CAMK1D: variants seen among roughly 807,000 people sequenced by gnomAD.
CAMK1D encodes calcium/calmodulin dependent protein kinase ID, also known as calcium/calmodulin-dependent protein kinase type 1D.
CAMK1D carries 9 observed loss-of-function variants against 47.7 expected under a neutral mutation model. That is an observed-to-expected ratio of 0.19 (90% confidence interval 0.11 to 0.33). The LOEUF is 0.33. CAMK1D is among the 10% of genes least tolerant of loss of function. CAMK1D has a pLI of 1.00. For synonymous variants in CAMK1D, 184 were observed against 184.9 expected, an observed-to-expected ratio of 0.99 and a Z score of 0.04; for missense variants, 291 against 488.7, an observed-to-expected ratio of 0.60 and a Z score of 3.81.
intron 1 of CAMK1D, among the ~76,000 whole-genome samples, chr10:12,496,319 C>T (rs140711029): frequency 2.0e-5 from 3 of 152,146 alleles, no homozygotes; most frequent in South Asian, 2.1e-4. Context: ...CACATAACTG[C>T]GGTTAAACCA....
At chr10:12,741,096 A>C (rs1313560186) in intron 3 of CAMK1D, among the ~76,000 whole-genome samples, 1 of 152,230 alleles carries the variant, frequency 6.6e-6, no homozygotes, top group Non-Finnish European at 1.5e-5. Flanking sequence ...TAAATCATTT[A>C]ATCACCAAAA....
At chr10:12,481,642 C>T (rs780193626) in intron 1 of CAMK1D, among the ~76,000 whole-genome samples, 19 of 152,168 alleles carry the variant, frequency 1.2e-4, no homozygotes, top group South Asian at 4.1e-4. Flanking sequence ...CCTGAGCAGC[C>T]GCGATTACAG....
intron 2 of CAMK1D, among the ~76,000 whole-genome samples, chr10:12,562,097 G>C (rs72771711): frequency 0.092 from 13,928 of 152,196 alleles, 739 homozygotes; most frequent in South Asian, 0.15. Context: ...AAGGAAACAG[G>C]GTTCTTTAGC....
chr10:12,551,198 T>C (rs1836566507), intron 1 of CAMK1D, among the ~76,000 whole-genome samples: 4 of 152,220 alleles, frequency 2.6e-5, no homozygotes, highest in Admixed American at 2.6e-4. Context: ...TTGTTCACGT[T>C]ACCGCCTGAG....
Position 12,788,757 on chromosome 10 carries a change from C to T in CAMK1D, c.566-2401C>T, listed in dbSNP as rs185419465. Reference sequence around the variant, plus strand: ...TCTTGAGAAATACGCTCTTAGCAGTCGGGGCGGACGAGTCAGCTATCGCCC... The same window carrying T: ...TCTTGAGAAATACGCTCTTAGCAGTTGGGGCGGACGAGTCAGCTATCGCCC... On this transcript the variant is annotated intron_variant, in intron 5 of 10. Coordinates refer to ENST00000619168, the MANE Select transcript of CAMK1D (RefSeq NM_153498.4). 5.3e-5 allele frequency among the ~76,000 whole-genome samples: 8 copies of T among 152,326 alleles called. No individual in the cohort carries two copies. In the East Asian group the frequency reaches 5.8e-4, roughly 11 times the overall value.
chr10:12,821,313 G>C (rs893795315), intron 8 of CAMK1D, among the ~76,000 whole-genome samples: 1 of 152,212 alleles, frequency 6.6e-6, no homozygotes, highest in Non-Finnish European at 1.5e-5. Flanking sequence ...GCTAGTATTT[G>C]GCCAAATATC....
At chr10:12,406,647 G>A (rs1157594688) in intron 1 of CAMK1D, among the ~76,000 whole-genome samples, 1 of 149,710 alleles carries the variant, frequency 6.7e-6, no homozygotes, top group Non-Finnish European at 1.5e-5. Flanking sequence ...TGGTTGAGCC[G>A]GGGAGGCGGA....
At chr10:12,755,694 C>T (rs1002277928) in intron 3 of CAMK1D, among the ~76,000 whole-genome samples, 1 of 152,100 alleles carries the variant, frequency 6.6e-6, no homozygotes. Context: ...GATCGCCATT[C>T]TAACTGGTGT....
chr10:12,556,796 T>C lies in CAMK1D; in HGVS notation c.224+3440T>C, dbSNP rs570488266. On this transcript the variant is annotated intron_variant, in intron 2 of 10. Transcript: ENST00000619168. ...CATGATCAAGATTAATTTTTGAAGATTGTTGCGGCAGAACTGAGAAGAATG... is the reference window on the plus strand; with the variant it reads ...CATGATCAAGATTAATTTTTGAAGACTGTTGCGGCAGAACTGAGAAGAATG... Among the ~76,000 whole-genome samples, 3 of 152,272 alleles carry C rather than the reference T, an allele frequency of 2.0e-5. No homozygotes were observed. In the East Asian group the frequency reaches 5.8e-4, roughly 29 times the overall value.
At chr10:12,610,621 C>G (rs987839296) in intron 2 of CAMK1D, among the ~76,000 whole-genome samples, 1 of 152,192 alleles carries the variant, frequency 6.6e-6, no homozygotes, top group Non-Finnish European at 1.5e-5. Flanking sequence ...ATGTCCTCAC[C>G]AACTGAGACA....
intron 1 of CAMK1D, among the ~76,000 whole-genome samples, chr10:12,457,606 C>A (rs970841021): frequency 6.0e-5 from 9 of 150,848 alleles, no homozygotes; most frequent in African/African-American, 2.2e-4. Flanking sequence ...CATGGTGAAA[C>A]CTTATCTCTA....
At chr10:12,362,020 C>G (rs1837679961) in intron 1 of CAMK1D, among the ~76,000 whole-genome samples, 1 of 152,142 alleles carries the variant, frequency 6.6e-6, no homozygotes, top group African/African-American at 2.4e-5. Context: ...CTTCCCCCTT[C>G]TTTCTTGCCT....
chr10:12,365,113 C>T (rs979926462), intron 1 of CAMK1D, among the ~76,000 whole-genome samples: 2 of 151,770 alleles, frequency 1.3e-5, no homozygotes, highest in African/African-American at 4.8e-5. Context: ...TACACCACCA[C>T]GCCAGGCTAA....
chr10:12,532,461 A>G (rs1448926251), intron 1 of CAMK1D, among the ~76,000 whole-genome samples: 5 of 151,956 alleles, frequency 3.3e-5, no homozygotes, highest in Admixed American at 1.3e-4. Context: ...TTGTATTTTT[A>G]GTAGAGACGG....
At chr10:12,587,743 T>C (rs1327315035) in intron 2 of CAMK1D, among the ~76,000 whole-genome samples, 2 of 152,178 alleles carry the variant, frequency 1.3e-5, no homozygotes, top group Middle Eastern at 3.2e-3. Flanking sequence ...TTACATATCA[T>C]TTTAGAAAAA....
intron 1 of CAMK1D, among the ~76,000 whole-genome samples, chr10:12,442,275 A>T (rs6602586): frequency 0.074 from 11,275 of 152,220 alleles, 501 homozygotes; most frequent in Middle Eastern, 0.11. Context: ...AGTTCAGGAG[A>T]TGGAGACCAT....
At chr10:12,373,611 G>A (rs754454567) in intron 1 of CAMK1D, among the ~76,000 whole-genome samples, 2 of 152,030 alleles carry the variant, frequency 1.3e-5, no homozygotes, top group South Asian at 2.1e-4. Flanking sequence ...CAGCCCGGGT[G>A]ACAGAGGGAG....
intron 8 of CAMK1D, among the ~76,000 whole-genome samples, chr10:12,822,782 A>G (rs1416251746): frequency 6.6e-6 from 1 of 152,088 alleles, no homozygotes; most frequent in Admixed American, 6.5e-5. Context: ...CTTAATAAAG[A>G]TGTCTCTCAT....
intron 2 of CAMK1D, among the ~76,000 whole-genome samples, chr10:12,635,176 G>A (rs1839479343): frequency 6.6e-6 from 1 of 152,042 alleles, no homozygotes; most frequent in Admixed American, 6.6e-5. Context: ...TGGGGGCTCG[G>A]GAGGCCTTCC....
Sources: gnomAD v4.1 joint callset for allele counts (sites outside exome capture counted in the v4.1 genomes callset) on GRCh38, gnomAD v4.1.1 for gene constraint, MANE v1.5 for transcripts, NCBI Gene and HGNC (gene_info 2026-07-23, HGNC 2026-07-21) for gene names.